The following DRP2 variants were observed in gnomAD, a reference collection of about 807,000 sequenced individuals.
DRP2 encodes the protein dystrophin-related protein 2.
In DRP2, 29 loss-of-function variants were observed where a neutral mutation model predicts 78.2. The observed-to-expected ratio is 0.37, with a 90% CI of 0.28 to 0.51. DRP2 has a LOEUF of 0.51. DRP2 is among the 20% of genes least tolerant of loss of function. The pLI is 0.94. For synonymous variants in DRP2, 290 were observed against 281.9 expected (o/e 1.03, Z -0.29); for missense variants, 686 against 770.6 (o/e 0.89, Z 1.30).
chrX:101,241,786 T>C lies in DRP2; in HGVS notation c.678T>C (p.Ile226=). The C allele has an allele frequency of 8.3e-7, 1 of 1,211,665 alleles. No homozygotes were observed. The highest frequency in any genetic ancestry group is 1.8e-5 in the South Asian group (1 of 56,961). ...TARCVDQHRH[I]ERTLEQLLEI... is the part of the protein sequence containing the mutation. ...GCTGTGTGGACCAGCACCGTCACAT[T>C]GAGCGGACTCTGGAGCAGCTCTTGG... The change falls in exon 7 of 24, where the codon ATT becomes ATC. Residue 226 remains isoleucine (I), a synonymous_variant. Coordinates refer to ENST00000395209, the MANE Select transcript of DRP2 (RefSeq NM_001939.3).
intron 20 of DRP2, among the ~76,000 whole-genome samples, chrX:101,255,491 C>G (rs184406493): frequency 5.4e-5 from 6 of 111,665 alleles, no homozygotes; most frequent in Admixed American, 9.5e-5. Flanking sequence ...AAGTCCCTTC[C>G]TGTTGCAAGA....
rs916743159 is a variant in DRP2 at position 101,239,009 on chromosome X, G to A, written c.467G>A (p.Gly156Asp). Residue 156 changes from glycine (G) to aspartate (D), a missense_variant, in exon 6 of 24, where the codon GGC becomes GAC. Gly to Asp is a moderately conservative substitution (Grantham distance 94). Coordinates refer to ENST00000395209, the MANE Select transcript of DRP2 (RefSeq NM_001939.3). ...TTTATGGAAGAAGTCAAGTCTCGGGGCCCCTACATCTATTCTGTGCTGGAG... is the reference window on the plus strand; with the variant it reads ...TTTATGGAAGAAGTCAAGTCTCGGGACCCCTACATCTATTCTGTGCTGGAG... ...AAFMEEVKSR[G>D]PYIYSVLESA... is the part of the protein sequence containing the mutation. 5.0e-6 allele frequency: 6 copies of A among 1,210,927 alleles called. No individual in the cohort carries two copies. The highest frequency in any genetic ancestry group is 2.2e-5 in the Admixed American group (1 of 45,986).
At chrX:101,251,857 A>C (rs1923153934) in intron 16 of DRP2, 1 of 111,688 alleles carries the variant, frequency 9.0e-6, no homozygotes, top group African/African-American at 3.3e-5. Context: ...CTCCTTCCCC[A>C]ACAAAGGTAA....
chrX:101,260,555 A>G lies in DRP2; in HGVS notation c.2808A>G (p.Lys936=). 8.3e-7 allele frequency: 1 copy of G among 1,210,788 alleles called. No homozygotes were observed. The highest frequency in any genetic ancestry group is 1.1e-6 in the Non-Finnish European group (1 of 895,189). ...TGTGCTTGGAGGACATCATGGAGAA[A>G]CTCCGTCATGCCTTCCCCAGTGTGC... ...VSLCLEDIME[K]LRHAFPSVRS... The change falls in exon 24 of 24, where the codon AAA becomes AAG. Residue 936 remains lysine, a synonymous_variant. Transcript: ENST00000395209.
chrX:101,250,389 C>G, intron 14 of DRP2, 34 bp from the exon 15 acceptor site: 2 of 1,210,107 alleles, frequency 1.7e-6, no homozygotes, highest in South Asian at 1.8e-5. Context: ...ATTCCTGTGT[C>G]GGGGTTGGCC....
rs182707235 is a variant in DRP2, at chrX:101,222,101, A to G, written c.-167+1955A>G. The stretch of plus-strand genomic sequence containing the variant: ...GCATGTGTGTGTATTCTGCAGTTCA[A>G]TACTTTTTTGGAAATGCTTCTTAAC... On this transcript the variant is annotated intron_variant, in intron 1 of 23. Transcript: ENST00000395209. 6.1e-4 allele frequency among the ~76,000 whole-genome samples: 68 copies of G among 111,432 alleles called. 1 individual carries two copies. The highest frequency in any genetic ancestry group is 2.3e-3 in the South Asian group (6 of 2,625).
At chrX:101,250,330 T>C (rs1923086744) in intron 14 of DRP2, 93 bp from the exon 15 acceptor site, 1 of 1,132,477 alleles carries the variant, frequency 8.8e-7, no homozygotes, top group African/African-American at 1.8e-5. Context: ...CAGTCTGTGC[T>C]CTTTCCCTAT....
intron 16 of DRP2, 84 bp from the exon 17 acceptor site, chrX:101,252,521 G>A: frequency 1.3e-6 from 1 of 743,206 alleles, no homozygotes; most frequent in Non-Finnish European, 2.1e-6. Context: ...TACTGTGTGT[G>A]TATATTTTAA....
intron 2 of DRP2, among the ~76,000 whole-genome samples, chrX:101,229,002 A>G (rs1178993678): frequency 8.9e-6 from 1 of 112,262 alleles, no homozygotes; most frequent in Non-Finnish European, 1.9e-5. Context: ...AAATGATAGC[A>G]TGTGATGGCG....
chrX:101,247,036 C>T lies in DRP2; in HGVS notation c.1178-54C>T, dbSNP rs1036830585. ...GTGGGTGTAAAATGGTATCTTGTTG[C>T]GGCTTTAACTTGAATTTTTCTGATC... On this transcript the variant is annotated intron_variant, in intron 11 of 23. Transcript: ENST00000395209. 31 of 1,111,521 alleles carry T rather than the reference C, an allele frequency of 2.8e-5. No homozygotes were observed. In the Middle Eastern group the frequency reaches 7.3e-4, roughly 26 times the overall value. The allele number at this position is 1,111,521 out of a possible 1,213,427, so 91.6% of individuals were successfully genotyped here.
chrX:101,249,237 T>C (rs376379500), intron 14 of DRP2, among the ~76,000 whole-genome samples: 2 of 111,764 alleles, frequency 1.8e-5, no homozygotes, highest in East Asian at 2.8e-4. Flanking sequence ...GAGGAGGAGA[T>C]GGAAGTACAC....
At chrX:101,238,150 T>C (rs1922579045) in intron 5 of DRP2, among the ~76,000 whole-genome samples, 1 of 111,885 alleles carries the variant, frequency 8.9e-6, no homozygotes, top group African/African-American at 3.3e-5. Context: ...AGGAACTATA[T>C]CAAAATGTTA....
intron 11 of DRP2, among the ~76,000 whole-genome samples, chrX:101,245,836 G>A (rs1325797372): frequency 1.8e-5 from 2 of 111,521 alleles, no homozygotes; most frequent in South Asian, 3.8e-4. Flanking sequence ...AGAGATCTAC[G>A]GTGCAGCATA....
Position 101,250,525 on chromosome X carries a change from T to G in DRP2, c.1643T>G (p.Val548Gly). The change falls in exon 15 of 24, where the codon GTG becomes GGG. Residue 548 changes from valine (V) to glycine (G), a missense_variant. Transcript: ENST00000395209. ...CAGGTGCCCCGTCAGCTGGGTGAAG[T>G]GGCAGCCTTTGGGGGCAGCAATGTG... ...AIQVPRQLGE[V>G]AAFGGSNVEP... The G allele has an allele frequency of 3.3e-6, 4 of 1,209,681 alleles. No individual in the cohort carries two copies. Among genetic ancestry groups the G allele is most frequent in the Non-Finnish European group, 4.5e-6 (4 of 894,683 alleles).
Position 101,241,671 on chromosome X carries a change from C to A in DRP2, c.563C>A (p.Thr188Asn), listed in dbSNP as rs1444016122. 1 of 1,208,408 alleles carries A rather than the reference C, an allele frequency of 8.3e-7. No individual in the cohort carries two copies. The highest frequency in any genetic ancestry group is 3.0e-5 in the East Asian group (1 of 33,738). The part of the protein sequence containing the change: ...LEEPHSESKD[T>N]SPKQRIQNLS... ...GGCTTCCTGCCTCCTCTTGCAGATA[C>A]CTCCCCGAAACAGCGGATCCAGAAT... is the stretch of plus-strand genomic sequence containing the variant. The change falls in exon 7 of 24, where the codon ACC (threonine) becomes AAC (asparagine). Residue 188 changes from threonine to asparagine, a missense_variant. Physicochemically the swap from Thr to Asn is moderately conservative, Grantham distance 65. Coordinates refer to ENST00000395209, the MANE Select transcript of DRP2 (RefSeq NM_001939.3).
At chrX:101,258,977 A>G (rs2187702) in intron 22 of DRP2, among the ~76,000 whole-genome samples, 37,924 of 111,093 alleles carry the variant, frequency 0.34, 4,682 homozygotes, top group Middle Eastern at 0.4. Flanking sequence ...TGCTATCTAA[A>G]GGTGTTTCTT....
chrX:101,239,000 A>G lies in DRP2; in HGVS notation c.458A>G (p.Lys153Arg), dbSNP rs1441239645. 2 of 1,210,876 alleles carry G rather than the reference A, an allele frequency of 1.7e-6. No homozygotes were observed. Among genetic ancestry groups the G allele is most frequent in the East Asian group, 5.9e-5 (2 of 33,826 alleles). Residue 153 changes from lysine to arginine, a missense_variant, in exon 6 of 24, where the codon AAG (lysine) becomes AGG (arginine). Physicochemically the swap from Lys to Arg is conservative, Grantham distance 26. Transcript: ENST00000395209. ...TTATAGGCCTTTATGGAAGAAGTCA[A>G]GTCTCGGGGCCCCTACATCTATTCT... ...ETHAAFMEEV[K>R]SRGPYIYSVL...
intron 3 of DRP2, among the ~76,000 whole-genome samples, chrX:101,233,476 C>T (rs1313297426): frequency 8.9e-6 from 1 of 111,828 alleles, no homozygotes; most frequent in Non-Finnish European, 1.9e-5. Flanking sequence ...TCCAACTATT[C>T]CTGTAGGTGG....
chrX:101,248,334 G>T lies in DRP2; in HGVS notation c.1454+44G>T, dbSNP rs755331436. 29 of 1,172,676 alleles carry T rather than the reference G, an allele frequency of 2.5e-5. No individual in the cohort carries two copies. The Admixed American group carries it at 5.9e-4, about 24-fold the overall frequency. ...GGAAGCCTCCAGGATAAAATTCAAT[G>T]GGATATCTCAAGTGGGCCTGGTGGG... is the stretch of plus-strand genomic sequence containing the variant. On this transcript the variant is annotated intron_variant, in intron 13 of 23. Transcript: ENST00000395209.
Sources: allele counts gnomAD v4.1 joint callset (sites outside exome capture counted in the v4.1 genomes callset), GRCh38; gene constraint gnomAD v4.1.1; transcripts MANE v1.5; gene names NCBI Gene and HGNC (gene_info 2026-07-23, HGNC 2026-07-21).